GNB4: variants seen among roughly 807,000 people sequenced by gnomAD.
GNB4 encodes G protein subunit beta 4.
GNB4 carries 28 observed loss-of-function variants against 45.2 expected under a neutral mutation model. The ratio of observed to expected loss-of-function variants is 0.62; its 90% CI spans 0.46 to 0.85. The LOEUF (loss-of-function observed/expected upper bound fraction) is 0.85, where lower values mean the gene tolerates loss of function less well. Ranked by LOEUF, GNB4 falls within the 40% of genes least tolerant of loss-of-function variation. The pLI, the probability that GNB4 is intolerant of heterozygous loss-of-function variation, is 0.00. For missense variants in GNB4, 321 were observed against 425.4 expected (o/e 0.75, Z 2.16); for synonymous variants, 132 against 143.7 (o/e 0.92, Z 0.58).
intron 9 of GNB4, 116 bp from the exon 10 acceptor site, chr3:179,401,435 A>G (rs1714297437): frequency 1.1e-5 from 5 of 462,122 alleles, no homozygotes; most frequent in Non-Finnish European, 1.9e-5. Context: ...TTGAAAGTTC[A>G]TCAGTTAAAA....
At chr3:179,413,375 G>C in intron 8 of GNB4, 37 bp downstream of exon 8, 1 of 1,515,334 alleles carries the variant, frequency 6.6e-7, no homozygotes, top group South Asian at 1.1e-5. Flanking sequence ...CACTTTAAAT[G>C]CATAATAAAT....
the GNB4 span, among the ~76,000 whole-genome samples, chr3:179,496,246 T>C: frequency 6.6e-6 from 1 of 152,104 alleles, no homozygotes; most frequent in Non-Finnish European, 1.5e-5. Context: ...TTTATTAACT[T>C]AAAATAGACT....
At chr3:179,516,734 C>A in the GNB4 span, among the ~76,000 whole-genome samples, 1 of 152,032 alleles carries the variant, frequency 6.6e-6, no homozygotes, top group African/African-American at 2.4e-5. Flanking sequence ...AGTCTAAGAA[C>A]CATTCGCCTT....
At position 179,397,781 on chromosome 3, in the gene GNB4, G is replaced by C. The variant is rs1040939623; in HGVS notation, c.*3432C>G. ...GGACGGAATCTTGCTCTGTCGCTCG[G>C]GTTGGAGTGCAGTGGCGCCATCTCA... On this transcript the variant is annotated 3_prime_UTR_variant, in exon 10 of 10. Transcript: ENST00000232564. The C allele has an allele frequency of 5.9e-5, 9 of 152,618 alleles. No homozygotes were observed. Among genetic ancestry groups the C allele is most frequent in the African/African-American group, 2.2e-4 (9 of 41,426 alleles). The allele number at this position is 152,618 out of a possible 1,614,324, so 9.5% of individuals were successfully genotyped here.
chr3:179,427,241 T>C (rs1452963266), intron 1 of GNB4, among the ~76,000 whole-genome samples: 3 of 152,070 alleles, frequency 2.0e-5, no homozygotes, highest in Non-Finnish European at 2.9e-5. Context: ...TCTTACCCTG[T>C]CTTGTTTTTC....
rs1204507658 is a variant in GNB4 at position 179,400,711 on chromosome 3, A to G, written c.*502T>C. 1 of 152,290 alleles carries G rather than the reference A, an allele frequency of 6.6e-6. No homozygotes were observed. Among genetic ancestry groups the G allele is most frequent in the African/African-American group, 2.4e-5 (1 of 41,446 alleles). 9.4% of individuals were successfully genotyped at this position (152,290 alleles called of 1,614,324 possible). A position where few individuals can be genotyped will look rare whatever the true frequency, so the allele number is the denominator to read the frequency against. On this transcript the variant is annotated 3_prime_UTR_variant, in exon 10 of 10. Transcript: ENST00000232564. ...TGTCAATGCTCTTAAACATGAAGCT[A>G]TCAGGATCTCTTAGATTCAAAGAGA...
At position 179,396,402 on chromosome 3, in the gene GNB4, T is replaced by C. The variant is rs1714114660; in HGVS notation, c.*4811A>G. ...AATCAACTTTAAAAACACACTTAGATGTGGATGCCTTTGGATAGGAAAATA... is the reference window on the plus strand; with the variant it reads ...AATCAACTTTAAAAACACACTTAGACGTGGATGCCTTTGGATAGGAAAATA... On this transcript the variant is annotated 3_prime_UTR_variant, in exon 10 of 10. Transcript: ENST00000232564. 6.6e-6 allele frequency: 1 copy of C among 152,184 alleles called. No individual in the cohort carries two copies. The highest frequency in any genetic ancestry group is 1.5e-5 in the Non-Finnish European group (1 of 68,028). The allele number at this position is 152,184 out of a possible 1,614,324, so 9.4% of individuals were successfully genotyped here. A position where few individuals can be genotyped will look rare whatever the true frequency, so the allele number is the denominator to read the frequency against.
At chr3:179,429,107 G>C (rs1401689931) in intron 1 of GNB4, among the ~76,000 whole-genome samples, 1 of 152,252 alleles carries the variant, frequency 6.6e-6, no homozygotes, top group Non-Finnish European at 1.5e-5. Flanking sequence ...GGAATGCCAA[G>C]AACACAAGTC....
At chr3:179,461,938 T>A in the GNB4 span, among the ~76,000 whole-genome samples, 1 of 152,232 alleles carries the variant, frequency 6.6e-6, no homozygotes, top group African/African-American at 2.4e-5. Flanking sequence ...TATTGTTGAA[T>A]TCATTTTCCT....
intron 2 of GNB4, among the ~76,000 whole-genome samples, chr3:179,424,934 T>A (rs909822003): frequency 6.6e-6 from 1 of 152,132 alleles, no homozygotes; most frequent in African/African-American, 2.4e-5. Context: ...ATTAGACAAA[T>A]TCTTCAGAAA....
At chr3:179,452,240 T>C (rs1404461675), upstream of GNB4, among the ~76,000 whole-genome samples, 1 of 151,782 alleles carries the variant, frequency 6.6e-6, no homozygotes, top group Non-Finnish European at 1.5e-5. Flanking sequence ...TTCACATTTA[T>C]CTGGGTGTTT....
chr3:179,478,313 A>G, the GNB4 span, among the ~76,000 whole-genome samples: 1 of 152,328 alleles, frequency 6.6e-6, no homozygotes, highest in Admixed American at 6.5e-5. Flanking sequence ...TGGAGGAGAC[A>G]TTCAAATCAT....
At chr3:179,495,443 T>C in the GNB4 span, among the ~76,000 whole-genome samples, 1 of 149,776 alleles carries the variant, frequency 6.7e-6, no homozygotes, top group South Asian at 2.1e-4. Context: ...GCCACTGTAC[T>C]GCAACTTGGG....
intron 2 of GNB4, among the ~76,000 whole-genome samples, chr3:179,425,186 A>C (rs1715106169): frequency 6.6e-6 from 1 of 152,114 alleles, no homozygotes. Flanking sequence ...GATATTTCTC[A>C]GTGCTAATGA....
chr3:179,408,620 G>A (rs920611969), intron 8 of GNB4, among the ~76,000 whole-genome samples: 8 of 151,506 alleles, frequency 5.3e-5, no homozygotes, highest in African/African-American at 9.7e-5. Flanking sequence ...ATAAAACCCC[G>A]CCTCTACTAA....
In GNB4 at chr3:179,400,341, G is replaced by C. The variant is rs41265411; in HGVS notation, c.*872C>G. On this transcript the variant is annotated 3_prime_UTR_variant, in exon 10 of 10. Coordinates refer to ENST00000232564, the MANE Select transcript of GNB4 (RefSeq NM_021629.4). ...GCACTGGGAAAGATGTTCAGATGCA[G>C]GGACAATCCCAATGTTTACCAAACT... 7.2e-5 allele frequency: 11 copies of C among 152,280 alleles called. No individual in the cohort carries two copies. Among genetic ancestry groups the C allele is most frequent in the Non-Finnish European group, 1.5e-4 (10 of 68,032 alleles). 9.4% of individuals were successfully genotyped at this position (152,280 alleles called of 1,614,324 possible). A position where few individuals can be genotyped will look rare whatever the true frequency, so the allele number is the denominator to read the frequency against.
Position 179,397,548 on chromosome 3 carries a change from C to T in GNB4, c.*3665G>A, listed in dbSNP as rs1298954322. 1 of 152,586 alleles carries T rather than the reference C, an allele frequency of 6.6e-6. No homozygotes were observed. The highest frequency in any genetic ancestry group is 2.4e-5 in the African/African-American group (1 of 41,428). The allele number at this position is 152,586 out of a possible 1,614,324, so 9.5% of individuals were successfully genotyped here. ...AATGAAGGGAATTGCTGAACAGGCC[C>T]TTTTGCTGTTGAGATATGAAGCCCA... On this transcript the variant is annotated 3_prime_UTR_variant, in exon 10 of 10. Transcript: ENST00000232564.
chr3:179,510,710 C>T, the GNB4 span, among the ~76,000 whole-genome samples: 1 of 152,064 alleles, frequency 6.6e-6, no homozygotes, highest in African/African-American at 2.4e-5. Flanking sequence ...GTGAAGCTTC[C>T]TGCCTGGATT....
chr3:179,510,495 C>G, the GNB4 span, among the ~76,000 whole-genome samples: 1 of 152,106 alleles, frequency 6.6e-6, no homozygotes, highest in South Asian at 2.1e-4. Context: ...CATAGAAGAA[C>G]TTTGCCAAAG....
Sources: allele counts gnomAD v4.1 joint callset (sites outside exome capture counted in the v4.1 genomes callset), GRCh38; gene constraint gnomAD v4.1.1; transcripts MANE v1.5; gene names NCBI Gene and HGNC (gene_info 2026-07-23, HGNC 2026-07-21).